SCCPDH: variants seen among roughly 807,000 people sequenced by gnomAD.
SCCPDH encodes the protein saccharopine dehydrogenase (putative), also known as saccharopine dehydrogenase-like oxidoreductase.
Under a neutral mutation model 51.5 loss-of-function variants are expected in SCCPDH, and 34 were observed. The observed-to-expected ratio is 0.66, with a 90% CI of 0.50 to 0.88. The LOEUF (loss-of-function observed/expected upper bound fraction) is 0.88. Among genes scored for constraint, SCCPDH ranks in the 40% least tolerant of loss-of-function variants. The probability of loss-of-function intolerance (pLI) is 0.00; values close to 1 mark genes in which losing one functional copy is unlikely to be tolerated. For missense variants in SCCPDH, 464 were observed against 527.1 expected, an observed-to-expected ratio of 0.88 and a Z score of 1.17; for synonymous variants, 187 against 191.3, an observed-to-expected ratio of 0.98 and a Z score of 0.19.
intron 3 of SCCPDH, 58 bp from the exon 4 acceptor site, chr1:246,740,114 A>C: frequency 7.5e-7 from 1 of 1,328,846 alleles, no homozygotes; most frequent in South Asian, 1.5e-5. Flanking sequence ...TAAATTATTT[A>C]ATACTGGTCT....
chr1:246,755,087 G>A (rs1668910275), intron 5 of SCCPDH, among the ~76,000 whole-genome samples: 1 of 152,164 alleles, frequency 6.6e-6, no homozygotes, highest in South Asian at 2.1e-4. Context: ...GTAAGTAATA[G>A]AAAGTGTACA....
chr1:246,732,831 A>G lies in SCCPDH; in HGVS notation c.304-3144A>G, dbSNP rs144699914. ...ATCCTCACAACTACCCAGGGAAGTG[A>G]GTGTTGTTATTCATCACCATTCTTT... On this transcript the variant is annotated intron_variant, in intron 2 of 11. Transcript: ENST00000366510. Among the ~76,000 whole-genome samples, 118 of 152,218 alleles carry G rather than the reference A, an allele frequency of 7.8e-4. 1 individual carries two copies. Among genetic ancestry groups the G allele is most frequent in the Non-Finnish European group, 1.3e-4 (9 of 68,014 alleles).
chr1:246,724,603 C>T lies in SCCPDH; in HGVS notation c.181C>T (p.Leu61=). ...KLQRVLEKAA[L]KLGRPTLSSE... is the part of the protein sequence containing the mutation. Reference sequence around the variant, plus strand: ...GCAGCGGGTGCTGGAGAAGGCGGCCCTGAAGCTGGGTACAGCGGCGGGGCG... The same window carrying T: ...GCAGCGGGTGCTGGAGAAGGCGGCCTTGAAGCTGGGTACAGCGGCGGGGCG... Residue 61 remains leucine (L), a synonymous_variant, in exon 1 of 12, where the codon CTG becomes TTG. Transcript: ENST00000366510. 6.7e-7 allele frequency: 1 copy of T among 1,500,410 alleles called. No homozygotes were observed. Among genetic ancestry groups the T allele is most frequent in the Non-Finnish European group, 8.9e-7 (1 of 1,129,036 alleles). The allele number at this position is 1,500,410 out of a possible 1,614,324, so 92.9% of individuals were successfully genotyped here. A position where few individuals can be genotyped will look rare whatever the true frequency, so the allele number is the denominator to read the frequency against.
chr1:246,754,700 C>T (rs1198479114), intron 5 of SCCPDH, among the ~76,000 whole-genome samples: 2 of 152,158 alleles, frequency 1.3e-5, no homozygotes, highest in African/African-American at 2.4e-5. Context: ...GACATGTGTC[C>T]GTTTCACCTA....
At chr1:246,731,938 C>A (rs1292613879) in intron 2 of SCCPDH, among the ~76,000 whole-genome samples, 1 of 151,840 alleles carries the variant, frequency 6.6e-6, no homozygotes, top group African/African-American at 2.4e-5. Flanking sequence ...TGTTCAGTTC[C>A]CACCTGTGAG....
intron 9 of SCCPDH, among the ~76,000 whole-genome samples, chr1:246,761,014 C>G (rs925726550): frequency 5.9e-5 from 9 of 152,188 alleles, no homozygotes; most frequent in African/African-American, 2.2e-4. Flanking sequence ...CAAATTCCTA[C>G]TCTCAGACCT....
At chr1:246,761,619 C>T (rs1269488185) in intron 9 of SCCPDH, among the ~76,000 whole-genome samples, 5 of 152,220 alleles carry the variant, frequency 3.3e-5, no homozygotes, top group Admixed American at 3.3e-4. Context: ...AATTTGATGA[C>T]TCCAAGTGCC....
At chr1:246,725,530 A>AAT (rs1300649651) in intron 1 of SCCPDH, among the ~76,000 whole-genome samples, 1 of 152,136 alleles carries the variant, frequency 6.6e-6, no homozygotes, top group African/African-American at 2.4e-5. Flanking sequence ...GAGTTCTGGA[A>AAT]ATACTACATT....
At chr1:246,757,303 C>G (rs1203053027) in intron 5 of SCCPDH, among the ~76,000 whole-genome samples, 1 of 134,912 alleles carries the variant, frequency 7.4e-6, no homozygotes, top group African/African-American at 2.8e-5. Flanking sequence ...GAGATCGTGC[C>G]ATTGCACTCC....
chr1:246,746,660 G>A (rs1292513630), intron 5 of SCCPDH, among the ~76,000 whole-genome samples: 2 of 152,034 alleles, frequency 1.3e-5, no homozygotes, highest in African/African-American at 4.8e-5. Flanking sequence ...GGCCAATATG[G>A]TGAAACTCCG....
At chr1:246,744,789 T>G (rs1668734507) in intron 5 of SCCPDH, among the ~76,000 whole-genome samples, 2 of 147,082 alleles carry the variant, frequency 1.4e-5, no homozygotes, top group African/African-American at 2.6e-5. Flanking sequence ...TAATTTTTGT[T>G]TTTTTTTTTC....
chr1:246,760,559 T>C (rs6697063), intron 9 of SCCPDH, among the ~76,000 whole-genome samples: 6,711 of 152,148 alleles, frequency 0.044, 486 homozygotes, highest in African/African-American at 0.15. Flanking sequence ...CTTCCTCCAT[T>C]TTTCTCCTCT....
intron 9 of SCCPDH, among the ~76,000 whole-genome samples, chr1:246,760,481 G>C (rs370598583): frequency 3.3e-5 from 5 of 152,240 alleles, no homozygotes; most frequent in African/African-American, 9.6e-5. Flanking sequence ...GCCCAGCTGG[G>C]ATGAGAACCC....
chr1:246,747,477 G>C (rs546884495), intron 5 of SCCPDH, among the ~76,000 whole-genome samples: 1 of 152,344 alleles, frequency 6.6e-6, no homozygotes, highest in Admixed American at 6.5e-5. Flanking sequence ...CCTGAGGTCA[G>C]GAGTTTGAGA....
chr1:246,756,121 G>A (rs1472016112), intron 5 of SCCPDH, among the ~76,000 whole-genome samples: 2 of 152,288 alleles, frequency 1.3e-5, no homozygotes, highest in East Asian at 3.9e-4. Flanking sequence ...CAAAACACAC[G>A]ATTAAGAAAG....
chr1:246,751,104 C>T (rs184447041), intron 5 of SCCPDH, among the ~76,000 whole-genome samples: 92 of 152,310 alleles, frequency 6.0e-4, no homozygotes, highest in African/African-American at 2.2e-3. Flanking sequence ...TCTTTAGCAA[C>T]TGTTTTTATT....
Position 246,726,920 on chromosome 1 carries a change from A to G in SCCPDH, c.219A>G (p.Gly73=), listed in dbSNP as rs1668407933. 2 of 1,613,980 alleles carry G rather than the reference A, an allele frequency of 1.2e-6. No individual in the cohort carries two copies. Among genetic ancestry groups the G allele is most frequent in the East Asian group, 2.2e-5 (1 of 44,888 alleles). ...GACCAACACTGTCATCTGAAGTTGG[A>G]ATCATCATCTGTGATATTGCTAATC... ...LGRPTLSSEV[G]IIICDIANPA... The change falls in exon 2 of 12, where the codon GGA becomes GGG. Residue 73 remains glycine (G), a synonymous_variant. Transcript: ENST00000366510.
chr1:246,726,254 T>A (rs914934072), intron 1 of SCCPDH, among the ~76,000 whole-genome samples: 4 of 152,112 alleles, frequency 2.6e-5, no homozygotes, highest in African/African-American at 9.7e-5. Flanking sequence ...TTTATTTTTT[T>A]AAAGACAAGT....
chr1:246,751,886 C>G (rs1668855918), intron 5 of SCCPDH, among the ~76,000 whole-genome samples: 1 of 151,292 alleles, frequency 6.6e-6, no homozygotes, highest in African/African-American at 2.4e-5. Context: ...CATTCTCCTG[C>G]CTCAGCCTCC....
Sources: allele counts gnomAD v4.1 joint callset (sites outside exome capture counted in the v4.1 genomes callset), GRCh38; gene constraint gnomAD v4.1.1; transcripts MANE v1.5; gene names NCBI Gene and HGNC (gene_info 2026-07-23, HGNC 2026-07-21).